AIDA: variants seen among roughly 807,000 people sequenced by gnomAD.
The protein encoded by AIDA is axin interactor, dorsalization-associated protein.
AIDA carries 18 observed loss-of-function variants against 42.7 expected under a neutral mutation model. The ratio of observed to expected loss-of-function variants is 0.42; its 90% CI spans 0.29 to 0.63. The LOEUF (loss-of-function observed/expected upper bound fraction) is 0.63, where lower values mean the gene tolerates loss of function less well. AIDA is among the 20% of genes least tolerant of loss of function. The pLI, the probability that AIDA is intolerant of heterozygous loss-of-function variation, is 0.19. For synonymous variants in AIDA, 104 were observed against 122.9 expected (o/e 0.85, Z 1.02); for missense variants, 250 against 354.1 (o/e 0.71, Z 2.36).
At chr1:222,703,276 G>T in intron 1 of AIDA, 59 bp from the exon 2 acceptor site, 5 of 1,304,692 alleles carry the variant, frequency 3.8e-6, no homozygotes, top group Non-Finnish European at 4.3e-6. Context: ...GCAACAAAGT[G>T]TAACAATTTA....
intron 8 of AIDA, among the ~76,000 whole-genome samples, chr1:222,671,562 T>A (rs1664449622): frequency 6.6e-6 from 1 of 152,190 alleles, no homozygotes; most frequent in Non-Finnish European, 1.5e-5. Flanking sequence ...GCATTGGCAC[T>A]TGGGTCCAAA....
intron 6 of AIDA, among the ~76,000 whole-genome samples, chr1:222,680,079 G>A (rs1423582894): frequency 6.6e-6 from 1 of 152,156 alleles, no homozygotes; most frequent in African/African-American, 2.4e-5. Flanking sequence ...AAAATACGAG[G>A]ATAATACTAC....
At chr1:222,702,490 C>T (rs535968151) in intron 2 of AIDA, among the ~76,000 whole-genome samples, 67 of 152,016 alleles carry the variant, frequency 4.4e-4, no homozygotes, top group Non-Finnish European at 7.9e-4. Context: ...AAGCTTCAGT[C>T]GCCCATTTTT....
intron 8 of AIDA, 56 bp from the exon 9 acceptor site, chr1:222,670,306 A>AT: frequency 7.0e-7 from 1 of 1,422,262 alleles, no homozygotes; most frequent in Non-Finnish European, 9.8e-7. Context: ...TTGTGTGTCA[A>AT]TTAATTTTCT....
At chr1:222,698,368 CAG>C (rs927528246) in intron 2 of AIDA, among the ~76,000 whole-genome samples, 1 of 151,230 alleles carries the variant, frequency 6.6e-6, no homozygotes, top group African/African-American at 2.4e-5. Context: ...ATCTAAAAAA[CAG>C]AATTAATCGT....
intron 2 of AIDA, among the ~76,000 whole-genome samples, chr1:222,695,943 CT>C (rs1655508058): frequency 6.6e-6 from 1 of 152,142 alleles, no homozygotes; most frequent in Non-Finnish European, 1.5e-5. Context: ...AAGTGCCATC[CT>C]GGCCCCTAGC....
chr1:222,702,433 C>T lies in AIDA; in HGVS notation c.180+715G>A, dbSNP rs148928605. Among the ~76,000 whole-genome samples the T allele has an allele frequency of 1.1e-3, 172 of 152,130 alleles. 1 individual carries two copies. Among genetic ancestry groups the T allele is most frequent in the African/African-American group, 3.9e-3 (162 of 41,488 alleles). ...TGACTTAACACTAGATACTCTGAGC[C>T]AAGAGATAATGGGAGTTGTTTCCTC... On this transcript the variant is annotated intron_variant, in intron 2 of 9. Coordinates refer to ENST00000340020, the MANE Select transcript of AIDA (RefSeq NM_022831.4).
chr1:222,707,366 A>C (rs1655872462), intron 1 of AIDA, among the ~76,000 whole-genome samples: 1 of 152,118 alleles, frequency 6.6e-6, no homozygotes. Flanking sequence ...CCATGTTGCC[A>C]AGGCTGGTCT....
chr1:222,687,717 T>C (rs1391776657), intron 4 of AIDA, 59 bp from the exon 5 acceptor site: 1 of 1,206,460 alleles, frequency 8.3e-7, no homozygotes, highest in Non-Finnish European at 1.2e-6. Flanking sequence ...AAAAATTATA[T>C]CTTAAATGAT....
chr1:222,693,978 C>G (rs946216015), intron 3 of AIDA, 135 bp from the exon 4 acceptor site: 1 of 921,452 alleles, frequency 1.1e-6, no homozygotes, highest in Non-Finnish European at 1.6e-6. Context: ...AAGTCCCAAA[C>G]TGGTTTTTGT....
chr1:222,706,953 GGTA>G (rs1655855634), intron 1 of AIDA, among the ~76,000 whole-genome samples: 1 of 151,868 alleles, frequency 6.6e-6, no homozygotes, highest in Non-Finnish European at 1.5e-5. Flanking sequence ...GTAGATCAGT[GGTA>G]GTCTGTTGCT....
At chr1:222,671,730 G>A (rs1346153101) in intron 8 of AIDA, among the ~76,000 whole-genome samples, 2 of 152,194 alleles carry the variant, frequency 1.3e-5, no homozygotes, top group African/African-American at 4.8e-5. Context: ...TTCCCTAGGT[G>A]TGTGACCTTG....
chr1:222,672,655 T>G (rs1282388777), intron 8 of AIDA, among the ~76,000 whole-genome samples: 19 of 152,188 alleles, frequency 1.2e-4, no homozygotes, highest in Admixed American at 1.2e-3. Context: ...AGCACCAGAC[T>G]TGAGAAGTGA....
At chr1:222,681,422 G>T (rs915735077) in intron 6 of AIDA, among the ~76,000 whole-genome samples, 1 of 152,216 alleles carries the variant, frequency 6.6e-6, no homozygotes, top group African/African-American at 2.4e-5. Flanking sequence ...CCAGCACTTT[G>T]GGAGGCCAAG....
At chr1:222,681,970 G>A (rs1035654606) in intron 6 of AIDA, among the ~76,000 whole-genome samples, 4 of 152,172 alleles carry the variant, frequency 2.6e-5, no homozygotes, top group African/African-American at 9.6e-5. Context: ...GCAAGGAGTA[G>A]GATCTTCTCA....
intron 5 of AIDA, 104 bp from the exon 6 acceptor site, chr1:222,687,140 T>C (rs1416948386): frequency 6.6e-7 from 1 of 1,516,480 alleles, no homozygotes; most frequent in Non-Finnish European, 8.9e-7. Context: ...TATAAAAAAA[T>C]GCTGATAGGC....
chr1:222,697,194 C>T (rs1461859311), intron 2 of AIDA, among the ~76,000 whole-genome samples: 3 of 151,650 alleles, frequency 2.0e-5, no homozygotes, highest in African/African-American at 4.8e-5. Flanking sequence ...CCACCTGCCT[C>T]GGCCTCCCAA....
chr1:222,672,362 T>C (rs1324414351), intron 8 of AIDA, among the ~76,000 whole-genome samples: 1 of 152,194 alleles, frequency 6.6e-6, no homozygotes, highest in Admixed American at 6.5e-5. Context: ...TCAGAAGACA[T>C]ACTTTGTAAC....
At chr1:222,673,459 T>A (rs892297803) in intron 7 of AIDA, 24 bp from the exon 8 acceptor site, 2 of 1,540,506 alleles carry the variant, frequency 1.3e-6, no homozygotes, top group East Asian at 2.3e-5. Context: ...AAGTTTCTCT[T>A]TAGGAACATT....
Sources: allele counts gnomAD v4.1 joint callset (sites outside exome capture counted in the v4.1 genomes callset), GRCh38; gene constraint gnomAD v4.1.1; transcripts MANE v1.5; gene names NCBI Gene and HGNC (gene_info 2026-07-23, HGNC 2026-07-21).